ABCA8: variants seen among roughly 807,000 people sequenced by gnomAD.
The protein encoded by ABCA8 is ABC-type organic anion transporter ABCA8.
In ABCA8, 177 loss-of-function variants were observed where a neutral mutation model predicts 192.3. The observed-to-expected ratio is 0.92, with a 90% CI of 0.81 to 1.04. The LOEUF is 1.04. ABCA8 is among the 50% of genes least tolerant of loss of function. ABCA8 has a pLI of 0.00. For synonymous variants in ABCA8, 642 were observed against 690.2 expected (o/e 0.93, Z 1.09); for missense variants, 1,915 against 1,904.8 (o/e 1.01, Z -0.10).
Position 68,917,495 on chromosome 17 carries a change from G to T in ABCA8, c.2048-44C>A, listed in dbSNP as rs560134673. On this transcript the variant is annotated intron_variant, in intron 16 of 39. Transcript: ENST00000586539. ...AAAGAAGAAAGTTTGTTAAAAAGTG[G>T]CCCATCCATTTCCAAGAAAAGACAG... 124 of 1,427,734 alleles carry T rather than the reference G, an allele frequency of 8.7e-5. No individual in the cohort carries two copies. The East Asian group carries it at 1.1e-3, about 13-fold the overall frequency. The allele number at this position is 1,427,734 out of a possible 1,614,324, so 88.4% of individuals were successfully genotyped here. A position where few individuals can be genotyped will look rare whatever the true frequency, so the allele number is the denominator to read the frequency against.
Position 68,933,236 on chromosome 17 carries a change from C to T in ABCA8, c.502G>A (p.Glu168Lys), listed in dbSNP as rs1361130662. 6 of 1,612,660 alleles carry T rather than the reference C, an allele frequency of 3.7e-6. No homozygotes were observed. The highest frequency in any genetic ancestry group is 3.4e-6 in the Non-Finnish European group (4 of 1,179,308). Residue 168 changes from glutamate (E) to lysine (K), a missense_variant, in exon 6 of 40, where the codon GAA becomes AAA. By Grantham distance (56) the Glu-to-Lys change is moderately conservative. Transcript: ENST00000586539. ...CYETNEDVYC[E>K]VSVFWKEGFV... ...CCTTCCTTCCAAAATACTGAAACTT[C>T]ACAGTAAACATCTTCATTTGTTTCA...
At chr17:68,919,946 A>T (rs2143617677) in intron 13 of ABCA8, 1 of 152,962 alleles carries the variant, frequency 6.5e-6, no homozygotes, top group East Asian at 1.9e-4. Flanking sequence ...GAATAGAAAA[A>T]CTGCCCAGTC....
At chr17:68,903,542 C>T (rs748998827) in intron 19 of ABCA8, 43 bp from the exon 20 acceptor site, 2 of 1,582,552 alleles carry the variant, frequency 1.3e-6, no homozygotes, top group South Asian at 1.1e-5. Context: ...CTTTATTGAG[C>T]TTACTATAGA....
chr17:68,907,909 A>G (rs755623158), intron 17 of ABCA8, 30 bp from the exon 18 acceptor site: 7 of 1,546,094 alleles, frequency 4.5e-6, no homozygotes, highest in Non-Finnish European at 6.1e-6. Context: ...AAAAAGACAT[A>G]TGTTACTCGA....
intron 2 of ABCA8, among the ~76,000 whole-genome samples, chr17:68,945,495 G>A (rs1388098889): frequency 6.6e-6 from 1 of 152,124 alleles, no homozygotes; most frequent in African/African-American, 2.4e-5. Flanking sequence ...TGTATTTGGT[G>A]TGTGTGTCCT....
rs770464320 is a variant in ABCA8, at chr17:68,875,630, C to A, written c.4474G>T (p.Val1492Leu). Reference sequence around the variant, plus strand: ...GGCACTCACCTCAACCTCCCAGATACCATGATGGCCACTCGGTCACACACG... The same window carrying A: ...GGCACTCACCTCAACCTCCCAGATAACATGATGGCCACTCGGTCACACACG... ...EAVCDRVAIM[V>L]SGRLRCIGSI... The change falls in exon 36 of 40, where the codon GTA becomes TTA. Residue 1492 changes from valine to leucine, a missense_variant. Val to Leu is a conservative substitution (Grantham distance 32). Transcript: ENST00000586539. The A allele has an allele frequency of 4.3e-6, 7 of 1,613,974 alleles. No homozygotes were observed. The highest frequency in any genetic ancestry group is 1.3e-5 in the African/African-American group (1 of 74,926).
At chr17:68,900,553 A>G (rs2066881244) in intron 21 of ABCA8, among the ~76,000 whole-genome samples, 1 of 151,422 alleles carries the variant, frequency 6.6e-6, no homozygotes, top group South Asian at 2.1e-4. Flanking sequence ...AAAAAAAAAA[A>G]AAAAAAGAAG....
rs541108539 is a variant in ABCA8 at position 68,872,602 on chromosome 17, TA to T, written c.4631+2657del. Among the ~76,000 whole-genome samples, 1,079 of 149,566 alleles carry T rather than the reference TA, an allele frequency of 7.2e-3. 6 individuals are homozygous for T. The highest frequency in any genetic ancestry group is 0.018 in the African/African-American group (744 of 40,820). ...TTAAAAAAAAATAAAAAATAAAAAA[TA>T]AAAAAAATAAAAAAAAAGAAGAAGG... On this transcript the variant is annotated intron_variant, in intron 37 of 39. Transcript: ENST00000586539.
chr17:68,906,527 T>C (rs1057027238), intron 18 of ABCA8, among the ~76,000 whole-genome samples: 3 of 152,148 alleles, frequency 2.0e-5, no homozygotes, highest in Non-Finnish European at 4.4e-5. Context: ...AGAACAGATA[T>C]AAATGGGAGC....
chr17:68,936,781 G>A lies in ABCA8; in HGVS notation c.466+170C>T, dbSNP rs112459688. Among the ~76,000 whole-genome samples, 343 of 151,754 alleles carry A rather than the reference G, an allele frequency of 2.3e-3. 2 individuals are homozygous for A. The highest frequency in any genetic ancestry group is 7.8e-3 in the African/African-American group (324 of 41,382). On this transcript the variant is annotated intron_variant, in intron 5 of 39. Coordinates refer to ENST00000586539, the MANE Select transcript of ABCA8 (RefSeq NM_001288985.2). ...TAACTATATATAATGACCACTTATC[G>A]ATATGTTCTTATGCCCAAAAATGAA...
chr17:68,891,565 G>A lies in ABCA8; in HGVS notation c.3068C>T (p.Ala1023Val), dbSNP rs1485913763. The A allele has an allele frequency of 6.2e-7, 1 of 1,612,656 alleles. No homozygotes were observed. The highest frequency in any genetic ancestry group is 1.3e-5 in the African/African-American group (1 of 74,884). The change falls in exon 24 of 40, where the codon GCA (alanine) becomes GTA (valine). Residue 1023 changes from alanine to valine, a missense_variant. By Grantham distance (64) the Ala-to-Val change is moderately conservative (BLOSUM62 0). Coordinates refer to ENST00000586539, the MANE Select transcript of ABCA8 (RefSeq NM_001288985.2). ...TAAAACCAGCCAGAACATGATATAT[G>A]CCAGGAATCCGATTGGATTGTCCTG... ...NGQDNPIGFL[A>V]YIMFWLVLTS...
intron 24 of ABCA8, among the ~76,000 whole-genome samples, chr17:68,889,355 G>A (rs1228822051): frequency 1.3e-5 from 2 of 152,074 alleles, no homozygotes; most frequent in Non-Finnish European, 2.9e-5. Context: ...CTGCTGAATC[G>A]GAATCATCTT....
intron 4 of ABCA8, 47 bp from the exon 5 acceptor site, chr17:68,937,162 CA>C: frequency 6.8e-7 from 1 of 1,476,398 alleles, no homozygotes; most frequent in Non-Finnish European, 9.1e-7. Context: ...TACTAGGAGA[CA>C]CAACTTCAGG....
chr17:68,910,313 C>G (rs757201340), intron 17 of ABCA8, among the ~76,000 whole-genome samples: 1 of 152,142 alleles, frequency 6.6e-6, no homozygotes, highest in Non-Finnish European at 1.5e-5. Flanking sequence ...ATGTTGTATG[C>G]TTGGGGGAGG....
Position 68,927,931 on chromosome 17 carries a change from CA to C in ABCA8, c.1257del (p.Phe419LeufsTer19). The C allele has an allele frequency of 6.3e-7, 1 of 1,594,552 alleles. No homozygotes were observed. The highest frequency in any genetic ancestry group is 8.5e-7 in the Non-Finnish European group (1 of 1,173,726). On this transcript the variant is annotated frameshift_variant, in exon 10 of 40. Coordinates refer to ENST00000586539, the MANE Select transcript of ABCA8 (RefSeq NM_001288985.2). LOFTEE classifies it high-confidence loss of function. The stretch of plus-strand genomic sequence containing the variant: ...CATTACTCACTTGGCAAAATTTTTT[CA>C]AAGTAAATCGCCAATGCCAGATAGA... Reference protein sequence around the residue: ...TCLYLALAIYFEKILPNEYGH... With the variant: ...TCLYLALAIYXEKILPNEYGH...
intron 24 of ABCA8, 120 bp from the exon 25 acceptor site, chr17:68,887,626 C>G: frequency 3.5e-6 from 3 of 848,242 alleles, no homozygotes; most frequent in Non-Finnish European, 1.8e-6. Flanking sequence ...CAAATGTAAT[C>G]TGGACTAAGG....
intron 21 of ABCA8, 52 bp from the exon 22 acceptor site, chr17:68,895,065 C>G: frequency 6.7e-7 from 1 of 1,486,846 alleles, no homozygotes; most frequent in Non-Finnish European, 9.0e-7. Context: ...ACATTAATGT[C>G]AAGTTGTGTA....
chr17:68,892,698 T>C (rs2066645603), intron 23 of ABCA8, among the ~76,000 whole-genome samples: 12 of 152,190 alleles, frequency 7.9e-5, no homozygotes, highest in Admixed American at 7.9e-4. Flanking sequence ...ATAGCATATA[T>C]TCCAAAATTA....
chr17:68,891,274 G>A (rs2066615652), intron 24 of ABCA8, among the ~76,000 whole-genome samples: 1 of 151,562 alleles, frequency 6.6e-6, no homozygotes, highest in African/African-American at 2.4e-5. Flanking sequence ...ATTCTAGCTT[G>A]TTGGAATATC....
Sources: allele counts gnomAD v4.1 joint callset (sites outside exome capture counted in the v4.1 genomes callset), GRCh38; gene constraint gnomAD v4.1.1; transcripts MANE v1.5; gene names NCBI Gene and HGNC (gene_info 2026-07-23, HGNC 2026-07-21).